The following SP4 variants were observed in gnomAD, a reference collection of about 807,000 sequenced individuals.
SP4 encodes transcription factor Sp4.
SP4 carries 19 observed loss-of-function variants against 72.8 expected under a neutral mutation model. That is an observed-to-expected ratio of 0.26 (90% CI 0.18 to 0.38). SP4 has a LOEUF of 0.38. Ranked by LOEUF, SP4 falls within the 10% of genes least tolerant of loss-of-function variation. SP4 has a pLI of 1.00. For synonymous variants in SP4, 395 were observed against 333.1 expected (o/e 1.19, Z -2.02); for missense variants, 1,008 against 926.3 (o/e 1.09, Z -1.14).
rs1782696832 is a variant in SP4, at chr7:21,428,380, A to G, written c.7+122A>G. 17 of 688,526 alleles carry G rather than the reference A, an allele frequency of 2.5e-5. No homozygotes were observed. In the Admixed American group the frequency reaches 2.7e-4, roughly 11 times the overall value. 42.7% of individuals were successfully genotyped at this position (688,526 alleles called of 1,614,324 possible). ...TGAGATGCTTTAAGGGGAGGAGGAG[A>G]GGGCGGGAGGGAATCGGGGAGGGAA... On this transcript the variant is annotated intron_variant, in intron 1 of 5. Coordinates refer to ENST00000222584, the MANE Select transcript of SP4 (RefSeq NM_003112.5).
chr7:21,469,539 A>G (rs1435018596), intron 3 of SP4, among the ~76,000 whole-genome samples: 2 of 132,618 alleles, frequency 1.5e-5, no homozygotes, highest in Non-Finnish European at 3.2e-5. Flanking sequence ...GTTTAGTTAT[A>G]ATTTTTTTTT....
At position 21,430,505 on chromosome 7, in the gene SP4, A is replaced by G. The variant is rs1782806982; in HGVS notation, c.1340A>G (p.Gln447Arg). ...CAGCCTTTACAGAATGTTCAACTTC[A>G]AGCAGTAAATCCGACTCAGGTGCTT... ...QQQPLQNVQL[Q>R]AVNPTQVLIR... is the part of the protein sequence containing the mutation. Residue 447 changes from glutamine (Q) to arginine (R), a missense_variant, in exon 3 of 6, where the codon CAA becomes CGA. Physicochemically the swap from Gln to Arg is conservative, Grantham distance 43 (BLOSUM62 1). Coordinates refer to ENST00000222584, the MANE Select transcript of SP4 (RefSeq NM_003112.5). 5 of 1,614,242 alleles carry G rather than the reference A, an allele frequency of 3.1e-6. No homozygotes were observed. The highest frequency in any genetic ancestry group is 4.2e-6 in the Non-Finnish European group (5 of 1,180,038).
At position 21,429,385 on chromosome 7, in the gene SP4, A is replaced by G. The variant is rs772672439; in HGVS notation, c.220A>G (p.Ile74Val). ...AGCAACTGGACAACAACAAATTATT[A>G]TAGATCCAAGTCAAGGATTGGTGCA... is the stretch of plus-strand genomic sequence containing the variant. ...NQATGQQQII[I>V]DPSQGLVQLQ... The change falls in exon 3 of 6, where the codon ATA becomes GTA. Residue 74 changes from isoleucine (I) to valine (V), a missense_variant. Ile to Val is a conservative substitution (Grantham distance 29). Coordinates refer to ENST00000222584, the MANE Select transcript of SP4 (RefSeq NM_003112.5). 34 of 1,613,928 alleles carry G rather than the reference A, an allele frequency of 2.1e-5. No individual in the cohort carries two copies. Among genetic ancestry groups the G allele is most frequent in the Admixed American group, 8.3e-5 (5 of 60,002 alleles).
chr7:21,492,942 G>A (rs1230437620), intron 5 of SP4, among the ~76,000 whole-genome samples: 1 of 152,232 alleles, frequency 6.6e-6, no homozygotes, highest in Non-Finnish European at 1.5e-5. Context: ...GCTCATGCCT[G>A]TAATCCCAGC....
At chr7:21,463,716 G>A (rs201408907) in intron 3 of SP4, among the ~76,000 whole-genome samples, 2 of 152,214 alleles carry the variant, frequency 1.3e-5, no homozygotes, top group Non-Finnish European at 2.9e-5. Context: ...GACAGAGTTT[G>A]AGCTGGGTTG....
chr7:21,482,869 A>AT (rs1784723233), intron 5 of SP4: 1 of 399,204 alleles, frequency 2.5e-6, no homozygotes. Flanking sequence ...GCTATATAAT[A>AT]TTTTATCACA....
At position 21,513,076 on chromosome 7, in the gene SP4, AG is replaced by A. The variant is rs1336454849; in HGVS notation, c.*1809del. Reference sequence around the variant, plus strand: ...ATTGCTTTGGGGACTGTTTGAATATAGGTACGTGTTTTCTTGTGCATTCTCT... The same window carrying A: ...ATTGCTTTGGGGACTGTTTGAATATAGTACGTGTTTTCTTGTGCATTCTCT... On this transcript the variant is annotated 3_prime_UTR_variant, in exon 6 of 6. Coordinates refer to ENST00000222584, the MANE Select transcript of SP4 (RefSeq NM_003112.5). The A allele has an allele frequency of 6.6e-6, 1 of 152,632 alleles. No individual in the cohort carries two copies. Among genetic ancestry groups the A allele is most frequent in the African/African-American group, 2.4e-5 (1 of 41,446 alleles). 9.5% of individuals were successfully genotyped at this position (152,632 alleles called of 1,614,324 possible).
intron 3 of SP4, among the ~76,000 whole-genome samples, chr7:21,468,622 A>G (rs893782441): frequency 2.6e-5 from 4 of 151,760 alleles, no homozygotes; most frequent in Non-Finnish European, 4.4e-5. Context: ...TACAGATGTC[A>G]TATTATAATA....
intron 3 of SP4, 53 bp downstream of exon 3, chr7:21,430,896 A>G: frequency 7.6e-7 from 1 of 1,308,242 alleles, no homozygotes; most frequent in Non-Finnish European, 1.1e-6. Flanking sequence ...CATAACAATT[A>G]TTGCTTTTCT....
intron 5 of SP4, among the ~76,000 whole-genome samples, chr7:21,498,054 A>G (rs563710794): frequency 6.6e-6 from 1 of 151,126 alleles, no homozygotes; most frequent in South Asian, 2.1e-4. Context: ...TCAGTTTTCT[A>G]CTTAAAGAAA....
At chr7:21,474,646 G>C (rs1784443913) in intron 3 of SP4, among the ~76,000 whole-genome samples, 1 of 152,258 alleles carries the variant, frequency 6.6e-6, no homozygotes, top group South Asian at 2.1e-4. Context: ...AAATCAACTT[G>C]ATCCTCAGGA....
At chr7:21,477,809 G>T (rs6976865) in intron 4 of SP4, among the ~76,000 whole-genome samples, 1 of 151,988 alleles carries the variant, frequency 6.6e-6, no homozygotes, top group South Asian at 2.1e-4. Context: ...CCAAGTGCTG[G>T]GATTACAGGT....
At chr7:21,508,901 A>C (rs1782076188) in intron 5 of SP4, among the ~76,000 whole-genome samples, 1 of 149,330 alleles carries the variant, frequency 6.7e-6, no homozygotes, top group Admixed American at 6.7e-5. Context: ...TTTGCATTAC[A>C]TGTTGATTTA....
At position 21,429,894 on chromosome 7, in the gene SP4, A is replaced by C; in HGVS notation, c.729A>C (p.Leu243Phe). 6.2e-7 allele frequency: 1 copy of C among 1,614,146 alleles called. No homozygotes were observed. ...CTGGTGTTTCAATACCACTGCAGTT[A>C]CAGACTCTTCCTGGTACTCAGGCTC... ...IRPGVSIPLQ[L>F]QTLPGTQAQV... The change falls in exon 3 of 6, where the codon TTA (leucine) becomes TTC (phenylalanine). Residue 243 changes from leucine (L) to phenylalanine (F), a missense_variant. Coordinates refer to ENST00000222584, the MANE Select transcript of SP4 (RefSeq NM_003112.5).
chr7:21,490,486 A>G (rs3807641), intron 5 of SP4, among the ~76,000 whole-genome samples: 15,624 of 152,140 alleles, frequency 0.1, 1,738 homozygotes, highest in East Asian at 0.54. Flanking sequence ...AATCAACATC[A>G]TTTTTCTGTC....
chr7:21,468,139 C>G (rs1281528671), intron 3 of SP4, among the ~76,000 whole-genome samples: 2 of 152,166 alleles, frequency 1.3e-5, no homozygotes, highest in African/African-American at 4.8e-5. Flanking sequence ...TGTACACACA[C>G]GCATCTGTTT....
chr7:21,463,844 T>A (rs1003562106), intron 3 of SP4, among the ~76,000 whole-genome samples: 4 of 152,152 alleles, frequency 2.6e-5, no homozygotes, highest in African/African-American at 9.7e-5. Flanking sequence ...TACTTATAGA[T>A]TTATTTGATC....
intron 3 of SP4, among the ~76,000 whole-genome samples, chr7:21,476,125 T>A (rs1025379892): frequency 3.0e-4 from 45 of 151,674 alleles, no homozygotes; most frequent in African/African-American, 1.1e-3. Context: ...ACAAAAAAAA[T>A]TAGCTGGGCA....
Position 21,429,446 on chromosome 7 carries a change from C to G in SP4, c.281C>G (p.Thr94Arg), listed in dbSNP as rs750514275. Residue 94 changes from threonine (T) to arginine (R), a missense_variant, in exon 3 of 6, where the codon ACA becomes AGA. Transcript: ENST00000222584. ...QNQPQQLELVTTQLAGNAWQL... is the reference protein window; with the variant it reads ...QNQPQQLELVRTQLAGNAWQL... ...CAACCACAACAGCTAGAACTGGTAA[C>G]AACGCAACTTGCTGGAAACGCTTGG... 6.2e-6 allele frequency: 10 copies of G among 1,614,052 alleles called. No individual in the cohort carries two copies. The South Asian group carries it at 1.1e-4, about 18-fold the overall frequency.
Sources: allele counts gnomAD v4.1 joint callset (sites outside exome capture counted in the v4.1 genomes callset), GRCh38; gene constraint gnomAD v4.1.1; transcripts MANE v1.5; gene names NCBI Gene and HGNC (gene_info 2026-07-23, HGNC 2026-07-21).